Variants in TCF12 observed in about 807,000 individuals in gnomAD.
TCF12 encodes DNA-binding protein HTF4.
TCF12 carries 45 observed loss-of-function variants against 86.0 expected under a neutral mutation model. The observed-to-expected ratio is 0.52, with a 90% CI of 0.41 to 0.67. The LOEUF is 0.67. Among genes scored for constraint, TCF12 ranks in the 30% least tolerant of loss-of-function variants. The pLI, the probability that TCF12 is intolerant of heterozygous loss-of-function variation, is 0.00. For synonymous variants in TCF12, 330 were observed against 299.6 expected (o/e 1.10, Z -1.05); for missense variants, 881 against 859.9 (o/e 1.02, Z -0.31).
At position 57,043,386 on chromosome 15, in the gene TCF12, C is replaced by T. The variant is rs2703604; in HGVS notation, c.149-20364C>T. ...ATACTATTTTCCATGGCAACCGTAT[C>T]ATTTTATATTCCCTCTAACAGTGCT... On this transcript the variant is annotated intron_variant, in intron 3 of 20. Transcript: ENST00000333725. Among the ~76,000 whole-genome samples, 218 of 152,206 alleles carry T rather than the reference C, an allele frequency of 1.4e-3. 1 individual carries two copies. The highest frequency in any genetic ancestry group is 5.2e-3 in the African/African-American group (214 of 41,532).
chr15:57,125,528 C>T (rs1057292227), intron 5 of TCF12, among the ~76,000 whole-genome samples: 3 of 152,284 alleles, frequency 2.0e-5, no homozygotes, highest in South Asian at 2.1e-4. Context: ...TACATATTAG[C>T]CTTTAAACTT....
intron 8 of TCF12, among the ~76,000 whole-genome samples, chr15:57,212,462 A>G (rs2058151936): frequency 6.6e-6 from 1 of 151,984 alleles, no homozygotes; most frequent in African/African-American, 2.4e-5. Flanking sequence ...AACTTTTTGT[A>G]GAGACAGGTC....
At chr15:56,999,807 G>A (rs1176288181) in intron 3 of TCF12, among the ~76,000 whole-genome samples, 4 of 152,154 alleles carry the variant, frequency 2.6e-5, no homozygotes, top group Non-Finnish European at 5.9e-5. Context: ...CTGGGAGGCA[G>A]TGGTTGCACT....
intron 3 of TCF12, among the ~76,000 whole-genome samples, chr15:57,055,676 G>T (rs1481333173): frequency 6.6e-6 from 1 of 151,794 alleles, no homozygotes; most frequent in African/African-American, 2.4e-5. Context: ...TTGAAATGTT[G>T]TTACTTTCAA....
chr15:57,217,735 C>T (rs529542574), intron 8 of TCF12, among the ~76,000 whole-genome samples: 1 of 150,844 alleles, frequency 6.6e-6, no homozygotes, highest in Non-Finnish European at 1.5e-5. Flanking sequence ...TTTGATTTTC[C>T]TTTTTTTTTG....
At position 57,267,349 on chromosome 15, in the gene TCF12, G is replaced by A. The variant is rs559708232; in HGVS notation, c.1745+4075G>A. Among the ~76,000 whole-genome samples, 20 of 152,278 alleles carry A rather than the reference G, an allele frequency of 1.3e-4. No individual in the cohort carries two copies. In the East Asian group the frequency reaches 2.1e-3, roughly 16 times the overall value. On this transcript the variant is annotated intron_variant, in intron 18 of 20. Transcript: ENST00000333725. ...GATCTTAATATTATTACTTTAATAT[G>A]TATTGTACTCAACTATCAGGGGCAT...
Position 57,093,186 on chromosome 15 carries a change from C to T in TCF12, c.325+1295C>T, listed in dbSNP as rs562130495. On this transcript the variant is annotated intron_variant, in intron 5 of 20. Coordinates refer to ENST00000333725, the MANE Select transcript of TCF12 (RefSeq NM_207037.2). ...GTATTATCATTCCAGATAAAAAAATCAGAGTTAGGTTTACAATAAATTATT... is the reference window on the plus strand; with the variant it reads ...GTATTATCATTCCAGATAAAAAAATTAGAGTTAGGTTTACAATAAATTATT... Among the ~76,000 whole-genome samples, 8 of 152,204 alleles carry T rather than the reference C, an allele frequency of 5.3e-5. No homozygotes were observed. The South Asian group carries it at 1.7e-3, about 32-fold the overall frequency.
chr15:57,098,290 CT>C (rs1215709391), intron 5 of TCF12, among the ~76,000 whole-genome samples: 4 of 152,152 alleles, frequency 2.6e-5, no homozygotes, highest in African/African-American at 9.7e-5. Context: ...CTTTTTTCCT[CT>C]TTTTAACTTC....
chr15:57,081,215 A>G (rs1401765732), intron 4 of TCF12, among the ~76,000 whole-genome samples: 1 of 152,130 alleles, frequency 6.6e-6, no homozygotes, highest in African/African-American at 2.4e-5. Context: ...GAACAGATTT[A>G]TTCTTCATTT....
rs2059175819 is a variant in TCF12 at position 57,232,391 on chromosome 15, A to T, written c.786A>T (p.Gln262His). Reference sequence around the variant, plus strand: ...GGACCTCCACTTCCCACATGTCTCAATCCAGTAGTTATGGCAACCTTCATT... The same window carrying T: ...GGACCTCCACTTCCCACATGTCTCATTCCAGTAGTTATGGCAACCTTCATT... The part of the protein sequence containing the change: ...ILGTSTSHMS[Q>H]SSSYGNLHSH... Residue 262 changes from glutamine (Q) to histidine (H), a missense_variant, in exon 10 of 21, where the codon CAA (glutamine) becomes CAT (histidine). Around this residue, in one of 3 missense-constraint regions of TCF12, gnomAD observed 766 missense variants for 718.9 expected, o/e 1.07. Transcript: ENST00000333725. 3 of 1,611,562 alleles carry T rather than the reference A, an allele frequency of 1.9e-6. No individual in the cohort carries two copies. In the Admixed American group the frequency reaches 5.0e-5, roughly 27 times the overall value.
At chr15:57,072,577 C>T (rs2069496014) in intron 4 of TCF12, 1 of 962,448 alleles carries the variant, frequency 1.0e-6, no homozygotes. Flanking sequence ...CATTTTATAG[C>T]TACTAGGAGT....
chr15:57,026,180 T>A (rs568026103), intron 3 of TCF12, among the ~76,000 whole-genome samples: 19 of 152,294 alleles, frequency 1.2e-4, no homozygotes, highest in African/African-American at 4.6e-4. Flanking sequence ...CAAGCAGCCA[T>A]AGACAATATA....
chr15:56,927,134 A>C (rs540467218), intron 3 of TCF12, among the ~76,000 whole-genome samples: 8 of 152,300 alleles, frequency 5.3e-5, no homozygotes, highest in African/African-American at 1.9e-4. Context: ...TAATTGGAGG[A>C]TAGTAGTGCT....
chr15:57,084,754 G>A (rs2048517883), intron 4 of TCF12, among the ~76,000 whole-genome samples: 1 of 151,576 alleles, frequency 6.6e-6, no homozygotes, highest in African/African-American at 2.4e-5. Flanking sequence ...TATATAGAAG[G>A]CAAAGGGAGA....
chr15:57,148,206 A>AAAAG (rs36171297), intron 5 of TCF12, among the ~76,000 whole-genome samples: 5 of 150,918 alleles, frequency 3.3e-5, no homozygotes, highest in African/African-American at 1.2e-4. Flanking sequence ...CAGTATAATA[A>AAAAG]AAAGAAAGAA....
rs1318053077 is a variant in TCF12 at position 56,972,641 on chromosome 15, GGTAGAAATA to G, written c.148+51544_148+51552del. On this transcript the variant is annotated intron_variant, in intron 3 of 20. Coordinates refer to ENST00000333725, the MANE Select transcript of TCF12 (RefSeq NM_207037.2). Reference sequence around the variant, plus strand: ...CCACAGACACAGTTAGTAGGTTTAGGGTAGAAATAATGAGGGATGGGAATCTGATGAAAG... The same window carrying G: ...CCACAGACACAGTTAGTAGGTTTAGGATGAGGGATGGGAATCTGATGAAAG... 2.0e-5 allele frequency among the ~76,000 whole-genome samples: 3 copies of G among 152,220 alleles called. No individual in the cohort carries two copies. In the East Asian group the frequency reaches 5.8e-4, roughly 29 times the overall value.
Position 56,921,001 on chromosome 15 carries a change from C to T in TCF12, c.76-25C>T, listed in dbSNP as rs1459405276. On this transcript the variant is annotated intron_variant, in intron 2 of 20. Coordinates refer to ENST00000333725, the MANE Select transcript of TCF12 (RefSeq NM_207037.2). ...GAATCTAGAAGAATTTCAGGACTAACAGATATATTTGGGTTATTTTGCAGA... is the reference window on the plus strand; with the variant it reads ...GAATCTAGAAGAATTTCAGGACTAATAGATATATTTGGGTTATTTTGCAGA... 5.7e-6 allele frequency: 9 copies of T among 1,565,752 alleles called. No homozygotes were observed. In the African/African-American group the frequency reaches 8.2e-5, roughly 14 times the overall value.
intron 19 of TCF12, among the ~76,000 whole-genome samples, chr15:57,279,027 C>T (rs530559376): frequency 7.2e-6 from 1 of 138,354 alleles, no homozygotes; most frequent in South Asian, 2.3e-4. Context: ...CAGGGTTTTG[C>T]TCTGTTGCCT....
chr15:57,033,830 G>A (rs549129212), intron 3 of TCF12, among the ~76,000 whole-genome samples: 2 of 152,246 alleles, frequency 1.3e-5, no homozygotes, highest in East Asian at 3.9e-4. Flanking sequence ...CAAAAGGAAA[G>A]TAAACACCAG....
Sources: allele counts gnomAD v4.1 joint callset (sites outside exome capture counted in the v4.1 genomes callset), GRCh38; gene constraint gnomAD v4.1.1; regional missense constraint gnomAD v4.1.1; transcripts MANE v1.5; gene names NCBI Gene and HGNC (gene_info 2026-07-23, HGNC 2026-07-21).